The following PRICKLE2 variants were observed in gnomAD, a reference collection of about 807,000 sequenced individuals.
PRICKLE2 encodes the protein prickle-like protein 2.
Under a neutral mutation model 81.4 loss-of-function variants are expected in PRICKLE2, and 21 were observed. The ratio of observed to expected loss-of-function variants is 0.26; its 90% CI spans 0.18 to 0.37. PRICKLE2 has a LOEUF of 0.37. PRICKLE2 is among the 10% of genes least tolerant of loss of function. PRICKLE2 has a pLI of 1.00. For missense variants in PRICKLE2, 940 were observed against 1,109.0 expected (o/e 0.85, Z 2.16); for synonymous variants, 456 against 421.5 (o/e 1.08, Z -1.00).
chr3:64,154,164 T>C (rs1575596997), intron 5 of PRICKLE2: 1 of 152,172 alleles, frequency 6.6e-6, no homozygotes, highest in East Asian at 1.9e-4. Flanking sequence ...AAAGAATAGT[T>C]TTCTCAACAA....
intron 2 of PRICKLE2, chr3:64,174,867 T>C (rs960075483): frequency 4.2e-5 from 9 of 212,446 alleles, no homozygotes; most frequent in Admixed American, 3.0e-4. Context: ...TTTTCTCAGA[T>C]TTAATTAAAC....
At chr3:64,182,090 A>G (rs1490075372) in intron 2 of PRICKLE2, among the ~76,000 whole-genome samples, 1 of 151,846 alleles carries the variant, frequency 6.6e-6, no homozygotes, top group Non-Finnish European at 1.5e-5. Flanking sequence ...CTGAATTTGT[A>G]CCCCCAAATT....
At chr3:64,258,889 G>GAAATAAATAAATAAATAAATAAAT (rs1231045065) in intron 2 of PRICKLE2, among the ~76,000 whole-genome samples, 1 of 142,048 alleles carries the variant, frequency 7.0e-6, no homozygotes, top group African/African-American at 2.8e-5. Context: ...AAGAAAGAAA[G>GAAATAAATAAATAAATAAATAAAT]AAAGAAATCA....
chr3:64,206,379 T>C (rs1312357183), intron 1 of PRICKLE2, among the ~76,000 whole-genome samples: 1 of 152,162 alleles, frequency 6.6e-6, no homozygotes, highest in Non-Finnish European at 1.5e-5. Flanking sequence ...TCTCAGCAAC[T>C]CTGGGCAATG....
intron 2 of PRICKLE2, among the ~76,000 whole-genome samples, chr3:64,249,902 G>T (rs992335784): frequency 6.6e-6 from 1 of 152,286 alleles, no homozygotes; most frequent in African/African-American, 2.4e-5. Flanking sequence ...TATCAATATT[G>T]CTTTCACATG....
chr3:64,189,827 T>C (rs1329249151), intron 2 of PRICKLE2, among the ~76,000 whole-genome samples: 2 of 152,208 alleles, frequency 1.3e-5, no homozygotes, highest in Non-Finnish European at 2.9e-5. Flanking sequence ...ATTTAACATA[T>C]GGAAGATGTC....
In PRICKLE2 at chr3:64,241,541, A is replaced by G. The variant is rs371588158; in HGVS notation, c.129-42574T>C. Among the ~76,000 whole-genome samples, 14 of 152,306 alleles carry G rather than the reference A, an allele frequency of 9.2e-5. No homozygotes were observed. The East Asian group carries it at 2.5e-3, about 27-fold the overall frequency. On this transcript the variant is annotated intron_variant, in intron 2 of 8. Coordinates refer to the PRICKLE2 transcript ENST00000295902. ...ACCTACCAGCTTTTCAGTATTTTAT[A>G]CTATATGAATCCCCACCCCCTCATC...
At chr3:64,121,374 A>G (rs1323222640) in intron 7 of PRICKLE2, among the ~76,000 whole-genome samples, 1 of 152,150 alleles carries the variant, frequency 6.6e-6, no homozygotes, top group Non-Finnish European at 1.5e-5. Flanking sequence ...TACTTTGGAA[A>G]CAGAACCCCT....
In PRICKLE2 at chr3:64,205,557, G is replaced by A. The variant is rs186178505; in HGVS notation, c.-40-6590C>T. 1.1e-3 allele frequency among the ~76,000 whole-genome samples: 161 copies of A among 152,228 alleles called. 2 individuals are homozygous for A. In the South Asian group the frequency reaches 0.029, roughly 27 times the overall value. On this transcript the variant is annotated intron_variant, in intron 1 of 7. Transcript: ENST00000638394. Reference sequence around the variant, plus strand: ...ATTTTGACAGGTTATTTACAACACCGAACCCTGAACCACAAGGTCTTGTTT... The same window carrying A: ...ATTTTGACAGGTTATTTACAACACCAAACCCTGAACCACAAGGTCTTGTTT...
chr3:64,247,318 G>C (rs187371666), intron 2 of PRICKLE2, among the ~76,000 whole-genome samples: 83 of 152,218 alleles, frequency 5.5e-4, no homozygotes, highest in African/African-American at 1.8e-3. Flanking sequence ...AAAGATATCA[G>C]TGAGTTTTTT....
chr3:64,191,964 C>G (rs748006352), intron 2 of PRICKLE2, among the ~76,000 whole-genome samples: 4 of 152,186 alleles, frequency 2.6e-5, no homozygotes, highest in Non-Finnish European at 5.9e-5. Flanking sequence ...AGACTTGGAG[C>G]TGGTGGAGCT....
intron 7 of PRICKLE2, chr3:64,105,856 CT>C (rs1376746538): frequency 4.6e-5 from 7 of 152,204 alleles, no homozygotes; most frequent in Non-Finnish European, 1.0e-4. Context: ...ATTTGTAAAC[CT>C]CTTGAGATGC....
At chr3:64,180,840 T>C (rs1239008548) in intron 2 of PRICKLE2, among the ~76,000 whole-genome samples, 1 of 152,140 alleles carries the variant, frequency 6.6e-6, no homozygotes, top group Non-Finnish European at 1.5e-5. Flanking sequence ...TGAGAGTGAT[T>C]TTTATTACGT....
chr3:64,110,292 A>C (rs1166585250), intron 7 of PRICKLE2, among the ~76,000 whole-genome samples: 5 of 152,200 alleles, frequency 3.3e-5, no homozygotes, highest in African/African-American at 1.2e-4. Flanking sequence ...ACACTTGACT[A>C]CAGGAGGACA....
chr3:64,196,212 AG>A (rs1476668659), intron 2 of PRICKLE2, among the ~76,000 whole-genome samples: 2 of 152,168 alleles, frequency 1.3e-5, no homozygotes, highest in Non-Finnish European at 1.5e-5. Context: ...TCTGCATTTC[AG>A]GGAATGACGT....
chr3:64,149,615 C>A (rs1302550566), intron 6 of PRICKLE2, among the ~76,000 whole-genome samples: 5 of 152,150 alleles, frequency 3.3e-5, no homozygotes, highest in African/African-American at 4.8e-5. Flanking sequence ...TCTTCAGTGG[C>A]TGAGAGTTCC....
At chr3:64,263,994 G>A (rs1321982066) in intron 2 of PRICKLE2, among the ~76,000 whole-genome samples, 4 of 152,060 alleles carry the variant, frequency 2.6e-5, no homozygotes, top group African/African-American at 9.7e-5. Context: ...GCAGAGTGGC[G>A]GCAGGGCAGT....
At chr3:64,164,509 T>A (rs892860301) in intron 2 of PRICKLE2, among the ~76,000 whole-genome samples, 9 of 152,172 alleles carry the variant, frequency 5.9e-5, no homozygotes, top group Non-Finnish European at 1.3e-4. Context: ...AGAAACTAAG[T>A]CATAAATGTT....
rs148244164 is a variant in PRICKLE2 at position 64,171,533 on chromosome 3, T to G, written c.145-8404A>C. Among the ~76,000 whole-genome samples, 436 of 152,354 alleles carry G rather than the reference T, an allele frequency of 2.9e-3. 2 individuals carry two copies. Among genetic ancestry groups the G allele is most frequent in the African/African-American group, 9.8e-3 (406 of 41,576 alleles). On this transcript the variant is annotated intron_variant, in intron 2 of 7. Transcript: ENST00000638394. Reference sequence around the variant, plus strand: ...ATGATCTATTTGTTTGTTGACTTTCTCTTCCCTCTAGAATGTGAGTACTTA... The same window carrying G: ...ATGATCTATTTGTTTGTTGACTTTCGCTTCCCTCTAGAATGTGAGTACTTA...
Sources: allele counts gnomAD v4.1 joint callset (sites outside exome capture counted in the v4.1 genomes callset), GRCh38; gene constraint gnomAD v4.1.1; transcripts MANE v1.5; gene names NCBI Gene and HGNC (gene_info 2026-07-23, HGNC 2026-07-21).